The following CDH13 variants were observed in gnomAD, a reference collection of about 807,000 sequenced individuals.
CDH13 encodes cadherin-13.
Under a neutral mutation model 63.8 loss-of-function variants are expected in CDH13, and 24 were observed. The ratio of observed to expected loss-of-function variants is 0.38; its 90% CI spans 0.27 to 0.53. CDH13 has a LOEUF of 0.53. Among genes scored for constraint, CDH13 ranks in the 20% least tolerant of loss-of-function variants. CDH13 has a pLI of 0.85. For synonymous variants in CDH13, 503 were observed against 355.3 expected (o/e 1.42, Z -4.67); for missense variants, 1,049 against 903.1 (o/e 1.16, Z -2.07).
At chr16:83,503,669 T>C (rs1225046748) in intron 7 of CDH13, among the ~76,000 whole-genome samples, 1 of 152,198 alleles carries the variant, frequency 6.6e-6, no homozygotes, top group Non-Finnish European at 1.5e-5. Context: ...TTTTTCCAAA[T>C]GTTTTTTGGC....
At chr16:83,475,505 G>T (rs1408931841) in intron 6 of CDH13, among the ~76,000 whole-genome samples, 1 of 152,178 alleles carries the variant, frequency 6.6e-6, no homozygotes, top group Non-Finnish European at 1.5e-5. Flanking sequence ...AACTTTATGT[G>T]CTAAGCCACT....
At chr16:83,563,926 A>G (rs193058789) in intron 7 of CDH13, among the ~76,000 whole-genome samples, 45 of 152,292 alleles carry the variant, frequency 3.0e-4, no homozygotes, top group Admixed American at 8.5e-4. Context: ...GGAATCTGAG[A>G]GATCCAGATC....
At position 83,182,213 on chromosome 16, in the gene CDH13, C is replaced by G. The variant is rs934007112; in HGVS notation, c.484-35132C>G. On this transcript the variant is annotated intron_variant, in intron 4 of 13. Coordinates refer to ENST00000567109, the MANE Select transcript of CDH13 (RefSeq NM_001257.5). ...TCCTTCCTGCCTCCTGCTAGTCACG[C>G]CTTACATCACCATATTGTCTCTTTC... is the stretch of plus-strand genomic sequence containing the variant. Among the ~76,000 whole-genome samples, 3 of 152,168 alleles carry G rather than the reference C, an allele frequency of 2.0e-5. No individual in the cohort carries two copies. In the South Asian group the frequency reaches 6.2e-4, roughly 32 times the overall value.
chr16:83,327,955 A>G (rs1192075226), intron 5 of CDH13, among the ~76,000 whole-genome samples: 3 of 151,776 alleles, frequency 2.0e-5, no homozygotes, highest in Admixed American at 1.3e-4. Flanking sequence ...ATACAGTGAA[A>G]CCCCGTCTCT....
intron 6 of CDH13, among the ~76,000 whole-genome samples, chr16:83,419,153 C>G (rs902312992): frequency 6.6e-5 from 10 of 152,252 alleles, no homozygotes; most frequent in African/African-American, 2.2e-4. Context: ...CTGCTGCTTG[C>G]TTTTCATGAA....
intron 10 of CDH13, among the ~76,000 whole-genome samples, chr16:83,724,263 A>G (rs1439810730): frequency 6.7e-6 from 1 of 149,998 alleles, no homozygotes; most frequent in East Asian, 2.0e-4. Flanking sequence ...TGATGAATGC[A>G]TGGGTGGGTG....
intron 1 of CDH13, among the ~76,000 whole-genome samples, chr16:82,771,020 G>C (rs1359328218): frequency 6.6e-6 from 1 of 152,148 alleles, no homozygotes; most frequent in Admixed American, 6.5e-5. Context: ...TGGCCCAATA[G>C]TTCCAATTTT....
At chr16:82,905,329 A>G (rs962968333) in intron 2 of CDH13, among the ~76,000 whole-genome samples, 2 of 152,200 alleles carry the variant, frequency 1.3e-5, no homozygotes, top group African/African-American at 2.4e-5. Context: ...TTATGAGTAA[A>G]ACATATATGA....
intron 7 of CDH13, among the ~76,000 whole-genome samples, chr16:83,574,696 G>T (rs192257249): frequency 9.3e-4 from 141 of 152,284 alleles, no homozygotes; most frequent in African/African-American, 2.8e-3. Flanking sequence ...TCCCACTTCA[G>T]TGGTAGCTTC....
intron 5 of CDH13, among the ~76,000 whole-genome samples, chr16:83,296,983 A>G (rs952646705): frequency 5.3e-5 from 8 of 152,192 alleles, no homozygotes; most frequent in Non-Finnish European, 1.2e-4. Context: ...GAATGATGAG[A>G]TAAGATATTT....
intron 8 of CDH13, among the ~76,000 whole-genome samples, chr16:83,607,927 A>G (rs1175890218): frequency 6.6e-6 from 1 of 152,158 alleles, no homozygotes; most frequent in Non-Finnish European, 1.5e-5. Context: ...TAAAAAAAAG[A>G]TTTCTGATTT....
chr16:82,717,626 C>T (rs912755352), intron 1 of CDH13, among the ~76,000 whole-genome samples: 1 of 152,268 alleles, frequency 6.6e-6, no homozygotes, highest in Non-Finnish European at 1.5e-5. Context: ...TCCCTGGCTC[C>T]GTGGTCCCAT....
At chr16:83,024,544 T>A (rs1915625457) in intron 2 of CDH13, among the ~76,000 whole-genome samples, 1 of 152,114 alleles carries the variant, frequency 6.6e-6, no homozygotes. Flanking sequence ...TTGACCTCGG[T>A]TCATATAATG....
rs201893440 is a variant in CDH13 at position 83,568,163 on chromosome 16, C to T, written c.961-34291C>T. Among the ~76,000 whole-genome samples, 6 of 151,556 alleles carry T rather than the reference C, an allele frequency of 4.0e-5. No individual in the cohort carries two copies. The East Asian group carries it at 5.8e-4, about 15-fold the overall frequency. ...GGTCTGAATACATGTGCTGGTGGAA[C>T]GAAATGACACTCACCCCAAAACAAA... On this transcript the variant is annotated intron_variant, in intron 7 of 13. Coordinates refer to ENST00000567109, the MANE Select transcript of CDH13 (RefSeq NM_001257.5).
chr16:83,725,974 T>TGAA (rs907044672), intron 10 of CDH13: 9 of 152,370 alleles, frequency 5.9e-5, no homozygotes, highest in African/African-American at 2.2e-4. Flanking sequence ...AATTTCCCTT[T>TGAA]GAAGTCAGAC....
At chr16:83,370,678 T>C (rs2091350870) in intron 6 of CDH13, among the ~76,000 whole-genome samples, 1 of 152,210 alleles carries the variant, frequency 6.6e-6, no homozygotes, top group African/African-American at 2.4e-5. Flanking sequence ...CGTGTTCTTG[T>C]GTACTCAGTG....
At chr16:82,864,235 G>A (rs2040043632) in intron 2 of CDH13, among the ~76,000 whole-genome samples, 1 of 152,146 alleles carries the variant, frequency 6.6e-6, no homozygotes, top group Non-Finnish European at 1.5e-5. Flanking sequence ...TATTTCTTAG[G>A]AGACATTTTC....
intron 2 of CDH13, among the ~76,000 whole-genome samples, chr16:82,981,052 C>G (rs958478019): frequency 6.6e-6 from 1 of 152,098 alleles, no homozygotes; most frequent in African/African-American, 2.4e-5. Flanking sequence ...CAGCCTCCTG[C>G]GACTGGACTG....
At chr16:83,521,517 A>G (rs1208710197) in intron 7 of CDH13, among the ~76,000 whole-genome samples, 1 of 152,244 alleles carries the variant, frequency 6.6e-6, no homozygotes, top group East Asian at 1.9e-4. Context: ...GTTTAAAGAC[A>G]GCTTATCCCA....
Sources: gnomAD v4.1 joint callset for allele counts (sites outside exome capture counted in the v4.1 genomes callset) on GRCh38, gnomAD v4.1.1 for gene constraint, MANE v1.5 for transcripts, NCBI Gene and HGNC (gene_info 2026-07-23, HGNC 2026-07-21) for gene names.